The following CSNK2A2IP variants were observed in gnomAD, a reference collection of about 807,000 sequenced individuals.
The protein encoded by CSNK2A2IP is casein kinase 2 subunit alpha' interacting protein.
the CSNK2A2IP span, among the ~76,000 whole-genome samples, chr3:88,393,574 A>G: frequency 2.0e-5 from 3 of 152,350 alleles, no homozygotes; most frequent in East Asian, 1.9e-4. Flanking sequence ...CATAGATTCA[A>G]CAATATTTTA....
the CSNK2A2IP span, among the ~76,000 whole-genome samples, chr3:88,422,549 TATTGTAGGGTCTTA>T: frequency 6.6e-6 from 1 of 152,244 alleles, no homozygotes; most frequent in Non-Finnish European, 1.5e-5. Context: ...CTCAGCTTTC[TATTGTAGGGTCTTA>T]ATATAGTTTA....
the CSNK2A2IP span, among the ~76,000 whole-genome samples, chr3:88,464,557 G>A: frequency 6.6e-6 from 1 of 151,900 alleles, no homozygotes; most frequent in South Asian, 2.1e-4. Flanking sequence ...CTTTAAAAGG[G>A]TATAGTCAAA....
the CSNK2A2IP span, among the ~76,000 whole-genome samples, chr3:88,435,893 GCA>G: frequency 6.0e-5 from 1 of 16,708 alleles, no homozygotes; most frequent in Non-Finnish European, 2.6e-4. Flanking sequence ...TATATATAAT[GCA>G]CATTATGTGT....
chr3:88,379,752 G>A, the CSNK2A2IP span, among the ~76,000 whole-genome samples: 1 of 152,132 alleles, frequency 6.6e-6, no homozygotes, highest in African/African-American at 2.4e-5. Context: ...GCATTGTTAG[G>A]CCAATCATGA....
the CSNK2A2IP span, among the ~76,000 whole-genome samples, chr3:88,411,350 CATCT>C: frequency 0.012 from 1,713 of 146,720 alleles, 39 homozygotes; most frequent in African/African-American, 0.031. Context: ...CTCTATCTAT[CATCT>C]ATCTATCTAT....
chr3:88,456,768 A>G, the CSNK2A2IP span, among the ~76,000 whole-genome samples: 1 of 151,712 alleles, frequency 6.6e-6, no homozygotes, highest in Non-Finnish European at 1.5e-5. Context: ...TGCTGTTTTA[A>G]TACATGTGTC....
chr3:88,350,696 A>G, the CSNK2A2IP span, among the ~76,000 whole-genome samples: 1 of 152,136 alleles, frequency 6.6e-6, no homozygotes, highest in Admixed American at 6.6e-5. Flanking sequence ...TTTAAGGGAC[A>G]AATTACAACA....
At chr3:88,346,367 A>G in the CSNK2A2IP span, among the ~76,000 whole-genome samples, 66,528 of 151,814 alleles carry the variant, frequency 0.44, 15,837 homozygotes, top group South Asian at 0.62. Context: ...CAGCTTCATA[A>G]TGGAAAAAGA....
chr3:88,439,035 T>C, the CSNK2A2IP span, among the ~76,000 whole-genome samples: 2 of 152,188 alleles, frequency 1.3e-5, no homozygotes, highest in Non-Finnish European at 2.9e-5. Flanking sequence ...TCTCTAGCAT[T>C]GTGGTTCCCG....
At chr3:88,387,188 A>G in the CSNK2A2IP span, among the ~76,000 whole-genome samples, 1 of 138,570 alleles carries the variant, frequency 7.2e-6, no homozygotes, top group African/African-American at 2.7e-5. Flanking sequence ...TTTGAGATGC[A>G]GTCTTGCTCT....
chr3:88,379,046 TG>T, the CSNK2A2IP span, among the ~76,000 whole-genome samples: 3 of 152,092 alleles, frequency 2.0e-5, no homozygotes, highest in Non-Finnish European at 2.9e-5. Context: ...ATTTATGTTT[TG>T]CTTGGCATTG....
the CSNK2A2IP span, among the ~76,000 whole-genome samples, chr3:88,347,139 A>T: frequency 2.0e-5 from 3 of 152,156 alleles, no homozygotes; most frequent in African/African-American, 7.2e-5. Flanking sequence ...CAATTTCATT[A>T]TAAAACTTGA....
chr3:88,424,422 T>C, the CSNK2A2IP span, among the ~76,000 whole-genome samples: 1 of 152,208 alleles, frequency 6.6e-6, no homozygotes. Context: ...TTTTATTCTT[T>C]ATGAAGGTGT....
chr3:88,393,880 T>C, the CSNK2A2IP span, among the ~76,000 whole-genome samples: 1 of 152,084 alleles, frequency 6.6e-6, no homozygotes, highest in Non-Finnish European at 1.5e-5. Flanking sequence ...GACTGGCAGA[T>C]AGTACAGAGG....
chr3:88,353,948 G>A, the CSNK2A2IP span, among the ~76,000 whole-genome samples: 1 of 152,138 alleles, frequency 6.6e-6, no homozygotes, highest in East Asian at 1.9e-4. Context: ...TGGGTCATGT[G>A]GGTGGATACC....
chr3:88,442,892 TTATTA>T, the CSNK2A2IP span, among the ~76,000 whole-genome samples: 2 of 152,012 alleles, frequency 1.3e-5, no homozygotes. Context: ...AAAAAATTAT[TTATTA>T]TAATTAATTA....
the CSNK2A2IP span, among the ~76,000 whole-genome samples, chr3:88,440,186 A>T: frequency 6.6e-6 from 1 of 152,092 alleles, no homozygotes; most frequent in Admixed American, 6.6e-5. Context: ...TCTTATAAAT[A>T]TTTTTCCATG....
At chr3:88,363,147 G>A in the CSNK2A2IP span, among the ~76,000 whole-genome samples, 1 of 152,108 alleles carries the variant, frequency 6.6e-6, no homozygotes, top group Non-Finnish European at 1.5e-5. Context: ...GGGATGGGCA[G>A]TATAAGCAAT....
the CSNK2A2IP span, among the ~76,000 whole-genome samples, chr3:88,418,463 T>TGTGCGCGCGCGCGCGCGC: frequency 5.5e-4 from 82 of 149,628 alleles, 1 homozygote; most frequent in African/African-American, 1.8e-3. Context: ...TGTGTGTGTG[T>TGTGCGCGCGCGCGCGCGC]GCGCGCGGGC....
Sources: gnomAD v4.1 joint callset for allele counts (sites outside exome capture counted in the v4.1 genomes callset) on GRCh38, gnomAD v4.1.1 for gene constraint, MANE v1.5 for transcripts, NCBI Gene and HGNC (gene_info 2026-07-23, HGNC 2026-07-21) for gene names.